LYST: variants seen among roughly 807,000 people sequenced by gnomAD.
LYST encodes lysosomal-trafficking regulator.
Under a neutral mutation model 413.6 loss-of-function variants are expected in LYST, and 192 were observed. That is an observed-to-expected ratio of 0.46 (90% CI 0.41 to 0.52). LYST has a LOEUF of 0.52. LYST is among the 20% of genes least tolerant of loss of function. The pLI is 0.00. For missense variants in LYST, 3,815 were observed against 4,499.9 expected, an observed-to-expected ratio of 0.85 and a Z score of 4.35; for synonymous variants, 1,525 against 1,567.3, an observed-to-expected ratio of 0.97 and a Z score of 0.64.
chr1:235,755,671 T>G, intron 24 of LYST, 24 bp from the exon 25 acceptor site: 3 of 1,248,994 alleles, frequency 2.4e-6, no homozygotes, highest in Non-Finnish European at 3.5e-6. Flanking sequence ...TTAAGTCAAT[T>G]TAGATAATGC....
At chr1:235,691,003 G>A (rs11590896) in intron 47 of LYST, among the ~76,000 whole-genome samples, 11,679 of 151,022 alleles carry the variant, frequency 0.077, 501 homozygotes, top group Middle Eastern at 0.15. Flanking sequence ...TGCAAGCTCC[G>A]CCTCCCGGGT....
chr1:235,700,259 C>T (rs1328109421), intron 45 of LYST, among the ~76,000 whole-genome samples: 1 of 152,150 alleles, frequency 6.6e-6, no homozygotes, highest in Non-Finnish European at 1.5e-5. Flanking sequence ...AGAGCTTCTG[C>T]ACGTCAAAAG....
intron 28 of LYST, 54 bp downstream of exon 28, chr1:235,751,156 G>A (rs1666454195): frequency 6.6e-7 from 1 of 1,513,266 alleles, no homozygotes; most frequent in Non-Finnish European, 9.2e-7. Flanking sequence ...AAGAACATAG[G>A]AAAGTCAAGC....
chr1:235,834,483 C>T (rs886608549), intron 1 of LYST, among the ~76,000 whole-genome samples: 1 of 152,024 alleles, frequency 6.6e-6, no homozygotes, highest in Non-Finnish European at 1.5e-5. Flanking sequence ...AGTGATCTGC[C>T]CACCTCGGCC....
chr1:235,709,963 T>C (rs995430229), intron 43 of LYST, among the ~76,000 whole-genome samples: 2 of 140,324 alleles, frequency 1.4e-5, no homozygotes, highest in Non-Finnish European at 2.9e-5. Context: ...AATTGTCTCA[T>C]CAGTATAAAC....
intron 1 of LYST, among the ~76,000 whole-genome samples, chr1:235,851,873 T>C (rs573312157): frequency 6.6e-6 from 1 of 152,300 alleles, no homozygotes; most frequent in South Asian, 2.1e-4. Flanking sequence ...AGAAAATTCA[T>C]GAAAACCAAT....
At chr1:235,772,269 G>A (rs1444602453) in intron 19 of LYST, among the ~76,000 whole-genome samples, 1 of 151,912 alleles carries the variant, frequency 6.6e-6, no homozygotes, top group African/African-American at 2.4e-5. Flanking sequence ...CTCATTACTG[G>A]TAATGTGTAA....
upstream of LYST, among the ~76,000 whole-genome samples, chr1:235,869,389 G>T (rs1178392919): frequency 6.6e-6 from 1 of 152,136 alleles, no homozygotes; most frequent in Non-Finnish European, 1.5e-5. Context: ...GGAGAATAGC[G>T]TGAACCCGGG....
At chr1:235,785,252 G>A (rs1241395378) in intron 14 of LYST, among the ~76,000 whole-genome samples, 1 of 152,078 alleles carries the variant, frequency 6.6e-6, no homozygotes, top group African/African-American at 2.4e-5. Context: ...TGTCAAACTC[G>A]ATATTTTCTG....
chr1:235,728,076 C>T lies in LYST; in HGVS notation c.9162G>A (p.Ser3054=), dbSNP rs778404095. 8 of 1,609,760 alleles carry T rather than the reference C, an allele frequency of 5.0e-6. No homozygotes were observed. The highest frequency in any genetic ancestry group is 6.8e-6 in the Non-Finnish European group (8 of 1,176,300). Residue 3054 remains serine (S), a splice_region_variant and synonymous_variant, in exon 38 of 53, where the codon TCG becomes TCA. Transcript: ENST00000389793. ...EDNASDTVES[S]SLQGELEPAS... ...AATACAGACTTAAGCCTCTACTCAC[C>T]GAACTTTCAACTGTATCAGAAGCAT...
chr1:235,838,352 T>C (rs563148091), intron 1 of LYST, among the ~76,000 whole-genome samples: 7 of 152,302 alleles, frequency 4.6e-5, no homozygotes, highest in African/African-American at 1.7e-4. Flanking sequence ...TTCCCAAGTA[T>C]AGAATGGTGG....
At chr1:235,717,155 A>G (rs1272205675) in intron 40 of LYST, among the ~76,000 whole-genome samples, 2 of 152,202 alleles carry the variant, frequency 1.3e-5, no homozygotes, top group Non-Finnish European at 1.5e-5. Flanking sequence ...CAGACTCTAC[A>G]TCCAGTTAGG....
At chr1:235,787,104 A>G (rs1670504088) in intron 14 of LYST, 96 bp downstream of exon 14, 7 of 926,364 alleles carry the variant, frequency 7.6e-6, no homozygotes, top group East Asian at 7.3e-5. Flanking sequence ...GTAAAAACCT[A>G]GAAGTTTCTG....
At chr1:235,774,029 A>G in intron 18 of LYST, 38 bp from the exon 19 acceptor site, 3 of 1,433,722 alleles carry the variant, frequency 2.1e-6, no homozygotes, top group African/African-American at 2.8e-5. Flanking sequence ...TGCATTAGTA[A>G]TTGGTTAATC....
intron 49 of LYST, 78 bp from the exon 50 acceptor site, chr1:235,677,266 AGTCT>A: frequency 4.1e-6 from 5 of 1,222,752 alleles, no homozygotes; most frequent in Non-Finnish European, 6.0e-6. Flanking sequence ...TCTTCTTCTC[AGTCT>A]ATGTACCTAT....
At position 235,697,145 on chromosome 1, in the gene LYST, G is replaced by A; in HGVS notation, c.10502C>T (p.Thr3501Ile). ...CCGTGACAAACCACAGATTGCTCTG[G>A]TGGGCAGAGCCTGGAGAGAGCCAAA... is the stretch of plus-strand genomic sequence containing the variant. The part of the protein sequence containing the change: ...ERFGSLQALP[T>I]RAICGLSRNF... Residue 3501 changes from threonine to isoleucine, a missense_variant, in exon 46 of 53, where the codon ACC becomes ATC. Around this residue, in one of 4 missense-constraint regions of LYST, gnomAD observed 866 missense variants for 1,156.0 expected, o/e 0.75. Transcript: ENST00000389793. 1 of 1,614,056 alleles carries A rather than the reference G, an allele frequency of 6.2e-7. No individual in the cohort carries two copies. Among genetic ancestry groups the A allele is most frequent in the Non-Finnish European group, 8.5e-7 (1 of 1,179,928 alleles).
At position 235,802,927 on chromosome 1, in the gene LYST, A is replaced by G; in HGVS notation, c.3693T>C (p.Asp1231=). Residue 1231 remains aspartate (D), a synonymous_variant, in exon 8 of 53, where the codon GAT becomes GAC. Coordinates refer to ENST00000389793, the MANE Select transcript of LYST (RefSeq NM_000081.4). Reference sequence around the variant, plus strand: ...TTTTACCATCATCCTGGGTTTCGCCATCTTCAGGATTGCTTTCACTATCTG... The same window carrying G: ...TTTTACCATCATCCTGGGTTTCGCCGTCTTCAGGATTGCTTTCACTATCTG... ...YEADSESNPE[D]GETQDDGVDL... is the part of the protein sequence containing the mutation. 1 of 1,613,624 alleles carries G rather than the reference A, an allele frequency of 6.2e-7. No individual in the cohort carries two copies. Among genetic ancestry groups the G allele is most frequent in the Non-Finnish European group, 8.5e-7 (1 of 1,179,856 alleles).
intron 44 of LYST, among the ~76,000 whole-genome samples, chr1:235,706,101 G>A (rs1661966434): frequency 6.6e-6 from 1 of 151,956 alleles, no homozygotes; most frequent in Non-Finnish European, 1.5e-5. Context: ...CCTCCTAATT[G>A]CTTTTAAAGT....
intron 21 of LYST, among the ~76,000 whole-genome samples, chr1:235,765,163 A>G (rs1668008354): frequency 6.6e-6 from 1 of 152,126 alleles, no homozygotes; most frequent in African/African-American, 2.4e-5. Context: ...CTACTAGAAA[A>G]TTATATTATA....
Sources: allele counts gnomAD v4.1 joint callset (sites outside exome capture counted in the v4.1 genomes callset), GRCh38; gene constraint gnomAD v4.1.1; regional missense constraint gnomAD v4.1.1; transcripts MANE v1.5; gene names NCBI Gene and HGNC (gene_info 2026-07-23, HGNC 2026-07-21).